The following GRTP1 variants were observed in gnomAD, a reference collection of about 807,000 sequenced individuals.
GRTP1 encodes the protein growth hormone-regulated TBC protein 1.
GRTP1 carries 56 observed loss-of-function variants against 38.1 expected under a neutral mutation model. The ratio of observed to expected loss-of-function variants is 1.47; its 90% confidence interval spans 1.19 to 1.84. GRTP1 has a LOEUF of 1.84. GRTP1 is among the 40% of genes most tolerant of loss of function. The pLI is 0.00. For synonymous variants in GRTP1, 217 were observed against 189.5 expected (o/e 1.14, Z -1.19); for missense variants, 506 against 453.9 (o/e 1.11, Z -1.04).
Position 113,324,585 on chromosome 13 carries a change from GCAAA to G in GRTP1, c.922-12_922-9del, listed in dbSNP as rs745534119. ...AGGTTCTGAAAATATTTTCTGGAAGGCAAACAGTTAGTTTAAAAACAAACCCAAC... is the reference window on the plus strand; with the variant it reads ...AGGTTCTGAAAATATTTTCTGGAAGGCAGTTAGTTTAAAAACAAACCCAAC... On this transcript the variant is annotated splice_polypyrimidine_tract_variant and intron_variant, in intron 7 of 7. Coordinates refer to ENST00000375431, the MANE Select transcript of GRTP1 (RefSeq NM_024719.4). 7 of 1,597,660 alleles carry G rather than the reference GCAAA, an allele frequency of 4.4e-6. No homozygotes were observed. The Admixed American group carries it at 5.2e-5, about 12-fold the overall frequency.
At chr13:113,341,088 C>G (rs529248627) in intron 5 of GRTP1, among the ~76,000 whole-genome samples, 3 of 151,232 alleles carry the variant, frequency 2.0e-5, no homozygotes, top group African/African-American at 7.3e-5. Flanking sequence ...ACTCTGTCGC[C>G]CAGGCTGGAG....
At chr13:113,359,006 T>G (rs2043446144) in intron 2 of GRTP1, among the ~76,000 whole-genome samples, 1 of 152,238 alleles carries the variant, frequency 6.6e-6, no homozygotes, top group Non-Finnish European at 1.5e-5. Context: ...TGTCTTCTGC[T>G]GATGAATGGG....
chr13:113,342,763 C>T lies in GRTP1; in HGVS notation c.562+2100G>A, dbSNP rs183192784. 2.0e-5 allele frequency among the ~76,000 whole-genome samples: 3 copies of T among 152,286 alleles called. No individual in the cohort carries two copies. The highest frequency in any genetic ancestry group is 2.1e-4 in the South Asian group (1 of 4,828). On this transcript the variant is annotated intron_variant, in intron 5 of 7. Transcript: ENST00000375431. The surrounding 1 kb of genome is among the most constrained non-coding windows in gnomAD (Gnocchi z 4.5). Reference sequence around the variant, plus strand: ...GCCGCTGGGAGAGCTCTGCCGGGATCGGAATAACCCCCTTTTCCTCCCATG... The same window carrying T: ...GCCGCTGGGAGAGCTCTGCCGGGATTGGAATAACCCCCTTTTCCTCCCATG...
At chr13:113,346,159 T>TG (rs1566429363) in intron 4 of GRTP1, among the ~76,000 whole-genome samples, 12 of 145,594 alleles carry the variant, frequency 8.2e-5, no homozygotes, top group Middle Eastern at 3.5e-3. Context: ...AGGACCTCTG[T>TG]GCCTGACAGT....
At chr13:113,326,253 C>CAAA (rs2042766954) in intron 5 of GRTP1, 162 bp from the exon 6 acceptor site, 2 of 363,954 alleles carry the variant, frequency 5.5e-6, no homozygotes, top group South Asian at 2.2e-4. Flanking sequence ...GGCCTGCAGA[C>CAAA]ACAGGGCTCA....
chr13:113,355,216 C>T, intron 3 of GRTP1, 107 bp downstream of exon 3: 2 of 1,105,688 alleles, frequency 1.8e-6, no homozygotes, highest in Non-Finnish European at 2.6e-6. Flanking sequence ...AAGTTAAAAG[C>T]AGCAGGCGCA....
intron 4 of GRTP1, among the ~76,000 whole-genome samples, chr13:113,345,802 G>A (rs2043095351): frequency 6.6e-6 from 1 of 152,192 alleles, no homozygotes; most frequent in Non-Finnish European, 1.5e-5. Context: ...CCCTTGGCCT[G>A]GACCTCCCCT....
chr13:113,363,492 A>G (rs1251573932), intron 2 of GRTP1, among the ~76,000 whole-genome samples: 2 of 152,136 alleles, frequency 1.3e-5, no homozygotes, highest in South Asian at 4.1e-4. Context: ...GGCGTGAGCC[A>G]CCGCGCCCGG....
rs1246028846 is a variant in GRTP1, at chr13:113,355,405, C to A, written c.258G>T (p.Ala86=). 6.2e-7 allele frequency: 1 copy of A among 1,614,126 alleles called. No homozygotes were observed. Among genetic ancestry groups the A allele is most frequent in the Non-Finnish European group, 8.5e-7 (1 of 1,180,002 alleles). The change falls in exon 3 of 8, where the codon GCG becomes GCT. Residue 86 remains alanine, a synonymous_variant. Transcript: ENST00000375431. ...AGTAGCCGGGATTCTGGTCCATCTG[C>A]GCCTGGGCCCCACTCAGCACCATCC... ...RVWMVLSGAQ[A]QMDQNPGYYH... is the part of the protein sequence containing the mutation.
chr13:113,338,143 C>G (rs7996329), intron 5 of GRTP1, among the ~76,000 whole-genome samples: 147,879 of 152,276 alleles, frequency 0.97, 71,948 homozygotes, highest in East Asian at 1. Flanking sequence ...ACCTCCTCCT[C>G]TGAGGAGGCC....
chr13:113,346,161 C>CCGAGAGCGGACCTGGGAGGACCTCTGTGG (rs1566429387), intron 4 of GRTP1, among the ~76,000 whole-genome samples: 4 of 42,934 alleles, frequency 9.3e-5, no homozygotes, highest in Middle Eastern at 0.014. Context: ...GACCTCTGTG[C>CCGAGAGCGGACCTGGGAGGACCTCTGTGG]CTGACAGTGG....
rs1210966232 is a variant in GRTP1, at chr13:113,332,378, A to ACGTG, written c.563-6288_563-6287insCACG. ...GTACACACGTGCACACGCACACCAC[A>ACGTG]CACGCACACGCACGCCACACACAGG... On this transcript the variant is annotated intron_variant, in intron 5 of 7. Coordinates refer to ENST00000375431, the MANE Select transcript of GRTP1 (RefSeq NM_024719.4). Among the ~76,000 whole-genome samples, 537 of 144,746 alleles carry ACGTG rather than the reference A, an allele frequency of 3.7e-3. 46 individuals carry two copies. Among genetic ancestry groups the ACGTG allele is most frequent in the African/African-American group, 0.013 (492 of 36,828 alleles). 95.0% of individuals were successfully genotyped at this position (144,746 alleles called of 152,430 possible).
chr13:113,331,567 C>T (rs2042871336), intron 5 of GRTP1, among the ~76,000 whole-genome samples: 1 of 152,094 alleles, frequency 6.6e-6, no homozygotes, highest in African/African-American at 2.4e-5. Context: ...CGTGGCACAG[C>T]CCTTACAGGG....
Position 113,344,975 on chromosome 13 carries a change from T to C in GRTP1, c.466-16A>G, listed in dbSNP as rs768621073. Reference sequence around the variant, plus strand: ...AATTCATTCCCTGAAATTAGAAAAATGAGAAACAAATTCACATTGAGTTTT... The same window carrying C: ...AATTCATTCCCTGAAATTAGAAAAACGAGAAACAAATTCACATTGAGTTTT... On this transcript the variant is annotated splice_polypyrimidine_tract_variant and intron_variant, in intron 4 of 7. Transcript: ENST00000375431. The C allele has an allele frequency of 1.3e-6, 2 of 1,588,630 alleles. No individual in the cohort carries two copies. The highest frequency in any genetic ancestry group is 1.2e-5 in the South Asian group (1 of 86,470).
At chr13:113,356,286 G>A (rs1595511954) in intron 2 of GRTP1, among the ~76,000 whole-genome samples, 1 of 150,484 alleles carries the variant, frequency 6.6e-6, no homozygotes, top group African/African-American at 2.4e-5. Context: ...TATTTTTTTC[G>A]AGACGGAGTC....
chr13:113,342,589 A>G lies in GRTP1; in HGVS notation c.562+2274T>C, dbSNP rs921900602. Among the ~76,000 whole-genome samples the G allele has an allele frequency of 2.0e-5, 3 of 152,112 alleles. No homozygotes were observed. The highest frequency in any genetic ancestry group is 7.2e-5 in the African/African-American group (3 of 41,426). ...CTTGTATAACTTAAAAGCAGCAATTAAGAGCAGGATAACAGTGGCACTGAA... is the reference window on the plus strand; with the variant it reads ...CTTGTATAACTTAAAAGCAGCAATTGAGAGCAGGATAACAGTGGCACTGAA... On this transcript the variant is annotated intron_variant, in intron 5 of 7. Transcript: ENST00000375431. The surrounding 1 kb of genome is among the most constrained non-coding windows in gnomAD (Gnocchi z 4.5).
chr13:113,324,829 C>CTTTTT, intron 7 of GRTP1: 1 of 1,003,164 alleles, frequency 1.0e-6, no homozygotes. Flanking sequence ...TTCCATTAGA[C>CTTTTT]TTTTTTTTTT....
chr13:113,347,547 G>C (rs1236212604), intron 4 of GRTP1, among the ~76,000 whole-genome samples: 1 of 83,346 alleles, frequency 1.2e-5, no homozygotes, highest in Admixed American at 1.0e-4. Context: ...GATCCGGGAG[G>C]ACCTCTGTGG....
rs1483561339 is a variant in GRTP1 at position 113,343,696 on chromosome 13, G to A, written c.562+1167C>T. 2.0e-5 allele frequency among the ~76,000 whole-genome samples: 3 copies of A among 152,220 alleles called. No homozygotes were observed. The highest frequency in any genetic ancestry group is 4.8e-5 in the African/African-American group (2 of 41,452). The stretch of plus-strand genomic sequence containing the variant: ...TGGTGTGGCTGTTCTGAGGACAAGC[G>A]CAGCTCAGCAGGAAACTGACACATG... On this transcript the variant is annotated intron_variant, in intron 5 of 7. Transcript: ENST00000375431. The surrounding 1 kb of genome is among the most constrained non-coding windows in gnomAD (Gnocchi z 4.8).
Sources: allele counts gnomAD v4.1 joint callset (sites outside exome capture counted in the v4.1 genomes callset), GRCh38; gene constraint gnomAD v4.1.1; non-coding constraint Gnocchi (gnomAD v3.1); transcripts MANE v1.5; gene names NCBI Gene and HGNC (gene_info 2026-07-23, HGNC 2026-07-21).